The following PRICKLE2 variants were observed in gnomAD, a reference collection of about 807,000 sequenced individuals.
PRICKLE2 encodes prickle-like protein 2.
A neutral mutation model predicts 81.4 loss-of-function variants in PRICKLE2; 21 were observed. The observed-to-expected ratio is 0.26, with a 90% CI of 0.18 to 0.37. PRICKLE2 has a LOEUF of 0.37. Ranked by LOEUF, PRICKLE2 falls within the 10% of genes least tolerant of loss-of-function variation. The pLI, the probability that PRICKLE2 is intolerant of heterozygous loss-of-function variation, is 1.00. For missense variants in PRICKLE2, 940 were observed against 1,109.0 expected (o/e 0.85, Z 2.16); for synonymous variants, 456 against 421.5 (o/e 1.08, Z -1.00).
At chr3:64,148,797 C>G (rs933705169) in intron 6 of PRICKLE2, among the ~76,000 whole-genome samples, 1 of 152,196 alleles carries the variant, frequency 6.6e-6, no homozygotes, top group Non-Finnish European at 1.5e-5. Context: ...AACAGGCCCT[C>G]AGCAGACACT....
chr3:64,129,284 C>T (rs1458144647), intron 7 of PRICKLE2, among the ~76,000 whole-genome samples: 1 of 152,198 alleles, frequency 6.6e-6, no homozygotes, highest in Admixed American at 6.5e-5. Context: ...GTTTTCTTAT[C>T]TATAAAACGG....
chr3:64,217,051 G>A (rs2078882816), intron 1 of PRICKLE2, among the ~76,000 whole-genome samples: 1 of 152,202 alleles, frequency 6.6e-6, no homozygotes, highest in Non-Finnish European at 1.5e-5. Flanking sequence ...AGCTGTAGCT[G>A]AGGGCTATGC....
chr3:64,181,353 C>G (rs2078130114), intron 2 of PRICKLE2, among the ~76,000 whole-genome samples: 1 of 152,128 alleles, frequency 6.6e-6, no homozygotes, highest in South Asian at 2.1e-4. Context: ...CATCCTTCCG[C>G]ATCCTGACAG....
At chr3:64,196,653 T>A (rs1250067699) in intron 2 of PRICKLE2, among the ~76,000 whole-genome samples, 1 of 152,192 alleles carries the variant, frequency 6.6e-6, no homozygotes, top group Non-Finnish European at 1.5e-5. Context: ...CCTTCAATTC[T>A]CATGGAGATT....
chr3:64,142,313 C>CTTTTTTTT (rs397936636), intron 7 of PRICKLE2, among the ~76,000 whole-genome samples: 1 of 132,748 alleles, frequency 7.5e-6, no homozygotes. Context: ...TTCTTTCTTT[C>CTTTTTTTT]TTTTTTTTTT....
intron 6 of PRICKLE2, among the ~76,000 whole-genome samples, chr3:64,150,292 T>C (rs1454976026): frequency 6.6e-6 from 1 of 152,112 alleles, no homozygotes; most frequent in Non-Finnish European, 1.5e-5. Context: ...ATTCCAGCTG[T>C]GTGACCCTAG....
rs147888204 is a variant in PRICKLE2, at chr3:64,122,841, C to T, written c.1661-22916G>A. 2.5e-3 allele frequency among the ~76,000 whole-genome samples: 375 copies of T among 152,262 alleles called. 1 individual carries two copies. The highest frequency in any genetic ancestry group is 8.4e-3 in the African/African-American group (350 of 41,542). On this transcript the variant is annotated intron_variant, in intron 7 of 7. Coordinates refer to ENST00000638394, the MANE Select transcript of PRICKLE2 (RefSeq NM_198859.4). ...GCCAGGGTAGATGGTGACCCAGCTC[C>T]CCCTGGAAACTCTTCAGAAGGTCAG...
At chr3:64,245,578 G>A (rs1165668556) in intron 2 of PRICKLE2, among the ~76,000 whole-genome samples, 1 of 152,182 alleles carries the variant, frequency 6.6e-6, no homozygotes, top group Non-Finnish European at 1.5e-5. Context: ...GACTTTAGGA[G>A]GTTGCACTGA....
intron 5 of PRICKLE2, 81 bp from the exon 6 acceptor site, chr3:64,153,449 G>T: frequency 1.5e-6 from 2 of 1,339,536 alleles, no homozygotes; most frequent in Non-Finnish European, 2.1e-6. Flanking sequence ...TGGGGTCCTT[G>T]AACTAGAAGG....
chr3:64,258,677 A>G (rs2079563047), intron 2 of PRICKLE2, among the ~76,000 whole-genome samples: 1 of 151,392 alleles, frequency 6.6e-6, no homozygotes, highest in Non-Finnish European at 1.5e-5. Context: ...AAAAAAAAAT[A>G]GCCAGGTGTG....
At chr3:64,134,469 T>C (rs1426274240) in intron 7 of PRICKLE2, among the ~76,000 whole-genome samples, 1 of 152,216 alleles carries the variant, frequency 6.6e-6, no homozygotes, top group African/African-American at 2.4e-5. Context: ...TGCTGGCTTA[T>C]GGAGCTGGAT....
intron 2 of PRICKLE2, among the ~76,000 whole-genome samples, chr3:64,260,465 C>A (rs981326131): frequency 1.3e-5 from 2 of 152,226 alleles, no homozygotes; most frequent in African/African-American, 4.8e-5. Context: ...GCTAATCAAT[C>A]GCAGCACTAT....
At chr3:64,134,290 A>T (rs2077243201) in intron 7 of PRICKLE2, among the ~76,000 whole-genome samples, 1 of 152,252 alleles carries the variant, frequency 6.6e-6, no homozygotes, top group Non-Finnish European at 1.5e-5. Context: ...AGCAAGAAGT[A>T]AAAAAAGCTC....
upstream of PRICKLE2, among the ~76,000 whole-genome samples, chr3:64,228,803 T>C (rs1263010345): frequency 6.6e-6 from 1 of 152,166 alleles, no homozygotes; most frequent in Non-Finnish European, 1.5e-5. Flanking sequence ...CTGTCGACCT[T>C]CAGAACTTTC....
chr3:64,122,455 G>A (rs1229234709), intron 7 of PRICKLE2, among the ~76,000 whole-genome samples: 20 of 152,134 alleles, frequency 1.3e-4, no homozygotes, highest in Admixed American at 1.3e-3. Context: ...CTTCTGGGAG[G>A]CCCAAGAATC....
At chr3:64,217,829 T>C (rs958320208) in intron 1 of PRICKLE2, among the ~76,000 whole-genome samples, 23 of 152,218 alleles carry the variant, frequency 1.5e-4, no homozygotes, top group African/African-American at 4.6e-4. Flanking sequence ...GACATACTAA[T>C]CATATGGTCA....
intron 7 of PRICKLE2, among the ~76,000 whole-genome samples, chr3:64,112,003 A>AAC (rs1000424886): frequency 1.2e-4 from 18 of 152,176 alleles, no homozygotes; most frequent in Non-Finnish European, 2.1e-4. Context: ...CCCCTATCCC[A>AAC]ACACACACAC....
At chr3:64,162,975 G>C (rs1057306099) in intron 3 of PRICKLE2, 41 bp downstream of exon 3, 4 of 1,161,890 alleles carry the variant, frequency 3.4e-6, no homozygotes, top group Non-Finnish European at 5.2e-6. Context: ...TTCATAGAAG[G>C]CACTAAGAAA....
At chr3:64,191,520 C>A (rs2078337564) in intron 2 of PRICKLE2, among the ~76,000 whole-genome samples, 1 of 152,172 alleles carries the variant, frequency 6.6e-6, no homozygotes, top group South Asian at 2.1e-4. Flanking sequence ...TGATCTTGGG[C>A]AAGTTATTTA....
Sources: allele counts gnomAD v4.1 joint callset (sites outside exome capture counted in the v4.1 genomes callset), GRCh38; gene constraint gnomAD v4.1.1; transcripts MANE v1.5; gene names NCBI Gene and HGNC (gene_info 2026-07-23, HGNC 2026-07-21).